PDCD6IP: variants seen among roughly 807,000 people sequenced by gnomAD.
The protein encoded by PDCD6IP is programmed cell death 6-interacting protein.
A neutral mutation model predicts 103.7 loss-of-function variants in PDCD6IP; 43 were observed. The observed-to-expected ratio is 0.41, with a 90% CI of 0.32 to 0.53. The LOEUF (loss-of-function observed/expected upper bound fraction) is 0.53, where lower values mean the gene tolerates loss of function less well. Among genes scored for constraint, PDCD6IP ranks in the 20% least tolerant of loss-of-function variants. The pLI, the probability that PDCD6IP is intolerant of heterozygous loss-of-function variation, is 0.16. For missense variants in PDCD6IP, 871 were observed against 1,036.7 expected, an observed-to-expected ratio of 0.84 and a Z score of 2.20; for synonymous variants, 354 against 378.7, an observed-to-expected ratio of 0.93 and a Z score of 0.76.
intron 10 of PDCD6IP, among the ~76,000 whole-genome samples, chr3:33,843,257 A>G (rs956846931): frequency 6.6e-6 from 1 of 152,180 alleles, no homozygotes; most frequent in Admixed American, 6.5e-5. Context: ...GTTTGGAAGT[A>G]TACCAGTTTG....
chr3:33,798,652 C>A lies in PDCD6IP; in HGVS notation c.-77C>A. The A allele has an allele frequency of 1.5e-6, 2 of 1,339,416 alleles. No individual in the cohort carries two copies. The highest frequency in any genetic ancestry group is 2.0e-6 in the Non-Finnish European group (2 of 989,992). The allele number at this position is 1,339,416 out of a possible 1,614,324, so 83.0% of individuals were successfully genotyped here. The stretch of plus-strand genomic sequence containing the variant: ...GCCAGTCAGTCCGCCAGTCCGCCAG[C>A]CCAGTACCTCTCTCTCCTCGGCCCT... On this transcript the variant is annotated 5_prime_UTR_variant, in exon 1 of 18. Transcript: ENST00000307296.
chr3:33,866,483 C>T lies in PDCD6IP; in HGVS notation c.2565C>T (p.Pro855=), dbSNP rs1321530794. 2 of 1,611,594 alleles carry T rather than the reference C, an allele frequency of 1.2e-6. No individual in the cohort carries two copies. The highest frequency in any genetic ancestry group is 3.3e-4 in the Middle Eastern group (2 of 6,056). ...PYPGPQQPSY[P]FPQPPQQSYY... ...CGGGACCCCAGCAGCCTTCATACCC[C>T]TTCCCTCAGCCCCCACAGCAGTCTT... Residue 855 remains proline (P), a synonymous_variant, in exon 18 of 18, where the codon CCC becomes CCT. Transcript: ENST00000307296.
At chr3:33,830,482 C>G (rs987370294) in intron 7 of PDCD6IP, among the ~76,000 whole-genome samples, 1 of 152,106 alleles carries the variant, frequency 6.6e-6, no homozygotes, top group African/African-American at 2.4e-5. Flanking sequence ...AAAAAGGAAA[C>G]TATTTCAGAT....
rs1303852666 is a variant in PDCD6IP at position 33,845,681 on chromosome 3, A to G, written c.1641+93A>G. On this transcript the variant is annotated intron_variant, in intron 12 of 17. Transcript: ENST00000307296. ...ATGAACTGCCAATTTCTTATTGTCA[A>G]CTTTAAAAAAATGCAGAAATAAATT... The G allele has an allele frequency of 7.3e-5, 69 of 949,282 alleles. No individual in the cohort carries two copies. The South Asian group carries it at 9.5e-4, about 13-fold the overall frequency. The allele number at this position is 949,282 out of a possible 1,614,324, so 58.8% of individuals were successfully genotyped here.
In PDCD6IP at chr3:33,798,849, C is replaced by A. The variant is rs1364268939; in HGVS notation, c.121C>A (p.Arg41Ser). Residue 41 changes from arginine to serine, a missense_variant, in exon 1 of 18, where the codon CGC becomes AGC. Coordinates refer to ENST00000307296, the MANE Select transcript of PDCD6IP (RefSeq NM_013374.6). The stretch of plus-strand genomic sequence containing the variant: ...CGGGGAAGAGCAGGCCCAGTACTGC[C>A]GCGCGGCGGAGGAGCTCAGCAAGCT... The part of the protein sequence containing the change: ...SGGEEQAQYC[R>S]AAEELSKLRR... 1 of 1,554,704 alleles carries A rather than the reference C, an allele frequency of 6.4e-7. No homozygotes were observed. The highest frequency in any genetic ancestry group is 1.4e-5 in the African/African-American group (1 of 73,248).
chr3:33,802,215 A>C (rs1482232660), intron 1 of PDCD6IP, among the ~76,000 whole-genome samples: 1 of 152,180 alleles, frequency 6.6e-6, no homozygotes, highest in Non-Finnish European at 1.5e-5. Context: ...GGATGGAGAA[A>C]GGCACGGGGC....
intron 13 of PDCD6IP, among the ~76,000 whole-genome samples, 186 bp downstream of exon 13, chr3:33,852,922 C>CTTTTTT (rs1349679229): frequency 7.4e-6 from 1 of 134,642 alleles, no homozygotes; most frequent in Non-Finnish European, 1.6e-5. Flanking sequence ...AACAAAGTCA[C>CTTTTTT]TTCTTTTTTT....
At chr3:33,861,359 T>C (rs1381088426) in intron 15 of PDCD6IP, among the ~76,000 whole-genome samples, 2 of 152,160 alleles carry the variant, frequency 1.3e-5, no homozygotes, top group East Asian at 3.8e-4. Context: ...GCCAGACTGG[T>C]CTTGAACTCC....
At chr3:33,804,810 G>A (rs1696555680) in intron 1 of PDCD6IP, among the ~76,000 whole-genome samples, 1 of 152,156 alleles carries the variant, frequency 6.6e-6, no homozygotes, top group South Asian at 2.1e-4. Context: ...CTTGATTAAT[G>A]ATTTTTCATG....
intron 1 of PDCD6IP, among the ~76,000 whole-genome samples, chr3:33,808,698 A>G (rs1696651689): frequency 6.6e-6 from 1 of 152,138 alleles, no homozygotes. Context: ...GCTCGTGCAC[A>G]CCTGCAGTCA....
intron 15 of PDCD6IP, among the ~76,000 whole-genome samples, chr3:33,857,830 C>G (rs1019033665): frequency 5.9e-5 from 9 of 152,138 alleles, no homozygotes; most frequent in Non-Finnish European, 1.2e-4. Context: ...CTGCCCAAAA[C>G]TCAGTATAGT....
In PDCD6IP at chr3:33,867,215, CATTT is replaced by C; in HGVS notation, c.*695_*698del. The stretch of plus-strand genomic sequence containing the variant: ...ATGCTGATTAGTAAACGATTTTTGA[CATTT>C]ATTTTAGAAAGTCCTATAATGTGGA... On this transcript the variant is annotated 3_prime_UTR_variant, in exon 18 of 18. Coordinates refer to ENST00000307296, the MANE Select transcript of PDCD6IP (RefSeq NM_013374.6). The C allele has an allele frequency of 6.6e-6, 1 of 152,242 alleles. No individual in the cohort carries two copies. Among genetic ancestry groups the C allele is most frequent in the Middle Eastern group, 3.4e-3 (1 of 294 alleles). The allele number at this position is 152,242 out of a possible 1,614,324, so 9.4% of individuals were successfully genotyped here.
chr3:33,805,766 A>G (rs1287528079), intron 1 of PDCD6IP, among the ~76,000 whole-genome samples: 4 of 144,164 alleles, frequency 2.8e-5, no homozygotes, highest in Admixed American at 1.4e-4. Flanking sequence ...GTTTTTTGAG[A>G]TGGAGTCTCA....
At position 33,798,656 on chromosome 3, in the gene PDCD6IP, G is replaced by C. The variant is rs529896479; in HGVS notation, c.-73G>C. ...GTCAGTCCGCCAGTCCGCCAGCCCAGTACCTCTCTCTCCTCGGCCCTCGTA... is the reference window on the plus strand; with the variant it reads ...GTCAGTCCGCCAGTCCGCCAGCCCACTACCTCTCTCTCCTCGGCCCTCGTA... On this transcript the variant is annotated 5_prime_UTR_variant, in exon 1 of 18. Coordinates refer to ENST00000307296, the MANE Select transcript of PDCD6IP (RefSeq NM_013374.6). 19 of 1,367,348 alleles carry C rather than the reference G, an allele frequency of 1.4e-5. No individual in the cohort carries two copies. Among genetic ancestry groups the C allele is most frequent in the Non-Finnish European group, 1.6e-5 (16 of 1,013,156 alleles). The allele number at this position is 1,367,348 out of a possible 1,614,324, so 84.7% of individuals were successfully genotyped here. A position where few individuals can be genotyped will look rare whatever the true frequency, so the allele number is the denominator to read the frequency against.
At chr3:33,815,082 G>T (rs190411421) in intron 3 of PDCD6IP, among the ~76,000 whole-genome samples, 7 of 148,026 alleles carry the variant, frequency 4.7e-5, no homozygotes, top group African/African-American at 1.7e-4. Flanking sequence ...TATAGTATGT[G>T]CATACCATAT....
At chr3:33,822,623 T>A (rs900336587) in intron 4 of PDCD6IP, among the ~76,000 whole-genome samples, 1 of 152,156 alleles carries the variant, frequency 6.6e-6, no homozygotes, top group Non-Finnish European at 1.5e-5. Flanking sequence ...TTTACTAATA[T>A]GGCATGTTAT....
At chr3:33,799,498 A>G (rs774760201) in intron 1 of PDCD6IP, 2 of 152,516 alleles carry the variant, frequency 1.3e-5, no homozygotes, top group Non-Finnish European at 2.9e-5. Context: ...AGCTACAACT[A>G]TTTGAAATAA....
At chr3:33,858,957 C>T (rs976032989) in intron 15 of PDCD6IP, among the ~76,000 whole-genome samples, 1 of 151,632 alleles carries the variant, frequency 6.6e-6, no homozygotes, top group Admixed American at 6.6e-5. Context: ...TCCTAAAGTT[C>T]AAGTAGAAAA....
intron 12 of PDCD6IP, among the ~76,000 whole-genome samples, chr3:33,851,998 C>T (rs1325696202): frequency 2.0e-5 from 3 of 152,126 alleles, no homozygotes; most frequent in Non-Finnish European, 2.9e-5. Flanking sequence ...CATACCTTCC[C>T]CTGCTTCACA....
Sources: gnomAD v4.1 joint callset for allele counts (sites outside exome capture counted in the v4.1 genomes callset) on GRCh38, gnomAD v4.1.1 for gene constraint, MANE v1.5 for transcripts, NCBI Gene and HGNC (gene_info 2026-07-23, HGNC 2026-07-21) for gene names.